The following NAV2 variants were observed in gnomAD, a reference collection of about 807,000 sequenced individuals.
NAV2 encodes the protein helicase, APC down-regulated 1.
In NAV2, 54 loss-of-function variants were observed where a neutral mutation model predicts 223.2. The ratio of observed to expected loss-of-function variants is 0.24; its 90% confidence interval spans 0.19 to 0.30. The LOEUF (loss-of-function observed/expected upper bound fraction) is 0.30, where lower values mean the gene tolerates loss of function less well. Among genes scored for constraint, NAV2 ranks in the 10% least tolerant of loss-of-function variants. The pLI, the probability that NAV2 is intolerant of heterozygous loss-of-function variation, is 1.00. For synonymous variants in NAV2, 1,279 were observed against 1,239.3 expected, an observed-to-expected ratio of 1.03 and a Z score of -0.67; for missense variants, 2,806 against 3,147.5, an observed-to-expected ratio of 0.89 and a Z score of 2.60.
chr11:19,401,213 G>C (rs1849671271), intron 1 of NAV2, among the ~76,000 whole-genome samples: 1 of 152,170 alleles, frequency 6.6e-6, no homozygotes, highest in Admixed American at 6.5e-5. Flanking sequence ...ATTATTGAAA[G>C]ATACTTATAA....
intron 1 of NAV2, among the ~76,000 whole-genome samples, chr11:19,681,685 T>C (rs1304136320): frequency 6.6e-6 from 1 of 152,190 alleles, no homozygotes; most frequent in Non-Finnish European, 1.5e-5. Context: ...CTTTGGCAAG[T>C]CTGGGATTGG....
chr11:19,595,182 C>T (rs865829103), intron 1 of NAV2, among the ~76,000 whole-genome samples: 2 of 152,144 alleles, frequency 1.3e-5, no homozygotes, highest in African/African-American at 2.4e-5. Context: ...TCTTCCAGTC[C>T]TTATTGGTGG....
intron 1 of NAV2, among the ~76,000 whole-genome samples, chr11:19,619,110 A>G (rs1050458672): frequency 6.7e-6 from 1 of 150,344 alleles, no homozygotes; most frequent in Non-Finnish European, 1.5e-5. Flanking sequence ...ATGGCTGCAT[A>G]GTATTCCATG....
rs765067146 is a variant in NAV2, at chr11:20,100,938, G to A, written c.6183G>A (p.Gly2061=). 2 of 1,613,734 alleles carry A rather than the reference G, an allele frequency of 1.2e-6. No individual in the cohort carries two copies. Among genetic ancestry groups the A allele is most frequent in the African/African-American group, 1.3e-5 (1 of 75,012 alleles). The change falls in exon 32 of 38, where the codon GGG becomes GGA. Residue 2061 remains glycine (G), a splice_region_variant and synonymous_variant. Coordinates refer to ENST00000349880, the MANE Select transcript of NAV2 (RefSeq NM_145117.5). The stretch of plus-strand genomic sequence containing the variant: ...GATTCCTGTCTCTCTCAAATGCAGG[G>A]CTCGCAGAAAACAGCCTGGACTCAC... ...ENTTISVTVK[G]LAENSLDSLV... is the part of the protein sequence containing the mutation.
chr11:19,888,237 C>G (rs2041194723), intron 5 of NAV2, among the ~76,000 whole-genome samples: 1 of 152,186 alleles, frequency 6.6e-6, no homozygotes, highest in Non-Finnish European at 1.5e-5. Flanking sequence ...TATGAGAGGT[C>G]AAGTTCCTCT....
intron 1 of NAV2, among the ~76,000 whole-genome samples, chr11:19,735,086 GAGA>G (rs796620171): frequency 6.6e-6 from 1 of 152,352 alleles, no homozygotes; most frequent in African/African-American, 2.4e-5. Flanking sequence ...GAGTAAATCA[GAGA>G]AGGTCTGTAA....
intron 1 of NAV2, among the ~76,000 whole-genome samples, chr11:19,771,471 C>A (rs186859067): frequency 6.6e-6 from 1 of 152,088 alleles, no homozygotes; most frequent in Non-Finnish European, 1.5e-5. Context: ...ACAGCCTGAG[C>A]AAAGGCATGG....
chr11:19,861,104 A>G (rs2061756177), intron 3 of NAV2, among the ~76,000 whole-genome samples: 1 of 150,072 alleles, frequency 6.7e-6, no homozygotes, highest in Non-Finnish European at 1.5e-5. Context: ...CAGATATTGG[A>G]GAGGGAGAGG....
intron 1 of NAV2, among the ~76,000 whole-genome samples, chr11:19,699,337 G>A (rs1206916690): frequency 6.6e-6 from 1 of 152,236 alleles, no homozygotes; most frequent in Non-Finnish European, 1.5e-5. Context: ...TAAATGGGAT[G>A]AAGACCCTGG....
intron 1 of NAV2, among the ~76,000 whole-genome samples, chr11:19,632,539 C>T (rs1000436318): frequency 3.9e-5 from 6 of 152,176 alleles, no homozygotes; most frequent in Non-Finnish European, 8.8e-5. Flanking sequence ...GATTATTAAA[C>T]TGGCCAACCC....
rs200271830 is a variant in NAV2 at position 19,939,686 on chromosome 11, G to A, written c.2059G>A (p.Val687Ile). 3.1e-5 allele frequency: 50 copies of A among 1,613,992 alleles called. No homozygotes were observed. The highest frequency in any genetic ancestry group is 1.7e-6 in the Non-Finnish European group (2 of 1,179,996). The change falls in exon 8 of 38, where the codon GTT becomes ATT. Residue 687 changes from valine (V) to isoleucine (I), a missense_variant. Val to Ile is a conservative substitution (Grantham distance 29). This residue lies in a region of NAV2 where 1,167 missense variants were observed against 1,180.5 expected (regional missense o/e 0.99). Coordinates refer to ENST00000349880, the MANE Select transcript of NAV2 (RefSeq NM_145117.5). ...YRSQTDTEGN[V>I]TAESSSTGVS... ...GTCTCAGACGGACACTGAAGGGAAT[G>A]TTACTGCCGAGTCAAGCTCAACAGG...
chr11:19,621,704 C>T (rs1003315317), intron 1 of NAV2, among the ~76,000 whole-genome samples: 2 of 152,150 alleles, frequency 1.3e-5, no homozygotes, highest in East Asian at 3.9e-4. Context: ...TTCAAAAAAT[C>T]AGCTCCTGGA....
At chr11:20,053,957 G>C (rs2058194443) in intron 17 of NAV2, 123 bp from the exon 18 acceptor site, 2 of 1,076,444 alleles carry the variant, frequency 1.9e-6, no homozygotes, top group Non-Finnish European at 2.6e-6. Flanking sequence ...GTAGTGATCT[G>C]ATTTTAAAAA....
intron 1 of NAV2, among the ~76,000 whole-genome samples, chr11:19,466,890 A>G (rs893440670): frequency 1.3e-5 from 2 of 151,974 alleles, no homozygotes; most frequent in Non-Finnish European, 2.9e-5. Flanking sequence ...CAAAAATGGG[A>G]TTTTTAAATG....
At position 19,918,403 on chromosome 11, in the gene NAV2, G is replaced by T. The variant is rs150459490; in HGVS notation, c.932-14773G>T. Among the ~76,000 whole-genome samples, 31 of 152,370 alleles carry T rather than the reference G, an allele frequency of 2.0e-4. No individual in the cohort carries two copies. The East Asian group carries it at 5.8e-3, about 28-fold the overall frequency. ...TGTCAGCCAAATTTGGGGAAAAAAT[G>T]AGAGTTGAGTCTGCATGCCTGTTTT... On this transcript the variant is annotated intron_variant, in intron 6 of 37. Transcript: ENST00000349880.
chr11:19,405,892 T>C (rs147980658), intron 1 of NAV2, among the ~76,000 whole-genome samples: 23 of 152,308 alleles, frequency 1.5e-4, no homozygotes, highest in African/African-American at 5.1e-4. Context: ...CAAAGTGTTA[T>C]CTAGGAGGGA....
intron 11 of NAV2, among the ~76,000 whole-genome samples, chr11:20,000,690 G>A (rs533560050): frequency 6.6e-6 from 1 of 152,238 alleles, no homozygotes; most frequent in African/African-American, 2.4e-5. Context: ...AGTCAGCTAG[G>A]GAGGCTTCTG....
At chr11:19,833,396 T>C (rs1356652620) in intron 2 of NAV2, among the ~76,000 whole-genome samples, 1 of 152,222 alleles carries the variant, frequency 6.6e-6, no homozygotes, top group Non-Finnish European at 1.5e-5. Context: ...TAGTCTTTCA[T>C]AGTTGGAGCT....
At chr11:20,050,021 T>C (rs2057822594) in intron 16 of NAV2, 120 bp downstream of exon 16, 4 of 844,326 alleles carry the variant, frequency 4.7e-6, no homozygotes, top group Non-Finnish European at 8.0e-6. Flanking sequence ...TTTGTGGCTC[T>C]AGTGTACTCT....
Sources: gnomAD v4.1 joint callset for allele counts (sites outside exome capture counted in the v4.1 genomes callset) on GRCh38, gnomAD v4.1.1 for gene constraint, gnomAD v4.1.1 regional missense constraint, MANE v1.5 for transcripts, NCBI Gene and HGNC (gene_info 2026-07-23, HGNC 2026-07-21) for gene names.